Variants in GLRX observed in about 807,000 individuals in gnomAD.
GLRX encodes glutaredoxin, also known as glutaredoxin-1.
In GLRX, 9 loss-of-function variants were observed where a neutral mutation model predicts 11.1. The observed-to-expected ratio is 0.81, with a 90% confidence interval of 0.49 to 1.42. The LOEUF (loss-of-function observed/expected upper bound fraction) is 1.42. GLRX is among the 40% of genes most tolerant of loss of function. GLRX has a pLI of 0.00. For missense variants in GLRX, 102 were observed against 126.2 expected (o/e 0.81, Z 0.92); for synonymous variants, 49 against 49.5 (o/e 0.99, Z 0.04).
chr5:95,815,321 C>T (rs1161680208), intron 2 of GLRX, among the ~76,000 whole-genome samples: 2 of 152,148 alleles, frequency 1.3e-5, no homozygotes. Flanking sequence ...TGAACTCAGA[C>T]AGACATAGGG....
intron 1 of GLRX, among the ~76,000 whole-genome samples, chr5:95,821,964 C>T (rs1409572920): frequency 6.6e-6 from 1 of 152,060 alleles, no homozygotes; most frequent in African/African-American, 2.4e-5. Flanking sequence ...GATAACGGTA[C>T]ATTAGATTTT....
rs762275582 is a variant in GLRX, at chr5:95,816,502, C to T, written c.*6+5G>A. 11 of 1,407,282 alleles carry T rather than the reference C, an allele frequency of 7.8e-6. No homozygotes were observed. The highest frequency in any genetic ancestry group is 2.3e-5 in the East Asian group (1 of 44,000). 87.2% of individuals were successfully genotyped at this position (1,407,282 alleles called of 1,614,324 possible). ...TCCTGGCCCAGCACCTCACCTGCCA[C>T]TCACCTGTGGTTACTGCAGAGCTCC... On this transcript the variant is annotated splice_donor_5th_base_variant and intron_variant, in intron 2 of 2. Coordinates refer to ENST00000237858, the MANE Select transcript of GLRX (RefSeq NM_001118890.2).
intron 1 of GLRX, among the ~76,000 whole-genome samples, chr5:95,819,880 A>C (rs1580447758): frequency 8.4e-6 from 1 of 118,688 alleles, no homozygotes; most frequent in African/African-American, 3.4e-5. Flanking sequence ...GCCTGGGCAC[A>C]GAGGGAGACT....
chr5:95,815,547 A>G (rs1469644080), intron 2 of GLRX, among the ~76,000 whole-genome samples: 1 of 152,196 alleles, frequency 6.6e-6, no homozygotes, highest in Non-Finnish European at 1.5e-5. Context: ...TGGTTAAAGA[A>G]CCATTCATTT....
rs1746954088 is a variant in GLRX, at chr5:95,815,387, T to G, written c.*7-998A>C. ...TGATTAGAAGATTTATAGCATTGAC[T>G]ATTTCATTTCAGAGAAATCAGTGGT... is the stretch of plus-strand genomic sequence containing the variant. On this transcript the variant is annotated intron_variant, in intron 2 of 2. Transcript: ENST00000237858. 2.0e-5 allele frequency among the ~76,000 whole-genome samples: 3 copies of G among 152,250 alleles called. No individual in the cohort carries two copies. The South Asian group carries it at 6.2e-4, about 31-fold the overall frequency.
rs1357505093 is a variant in GLRX, at chr5:95,822,510, G to A, written c.153C>T (p.Thr51=). The A allele has an allele frequency of 1.9e-6, 3 of 1,613,928 alleles. No homozygotes were observed. Among genetic ancestry groups the A allele is most frequent in the East Asian group, 2.2e-5 (1 of 44,888 alleles). Residue 51 remains threonine, a synonymous_variant, in exon 1 of 3, where the codon ACC becomes ACT. Coordinates refer to ENST00000237858, the MANE Select transcript of GLRX (RefSeq NM_001118890.2). The part of the protein sequence containing the change: ...GLLEFVDITA[T]NHTNEIQDYL... ...AATCTTGAATCTCGTTAGTGTGGTT[G>A]GTGGCTGTGATATCGACAAATTCCA...
At chr5:95,816,368 G>A (rs941298964) in intron 2 of GLRX, 139 bp downstream of exon 2, 1 of 585,194 alleles carries the variant, frequency 1.7e-6, no homozygotes, top group Non-Finnish European at 3.1e-6. Flanking sequence ...ATTCATAAGT[G>A]ATTGACATCA....
intron 1 of GLRX, chr5:95,822,178 G>A (rs993081343): frequency 2.7e-5 from 14 of 511,406 alleles, no homozygotes; most frequent in Admixed American, 1.3e-4. Flanking sequence ...AATTCCCCAG[G>A]GACTCACCGG....
At chr5:95,819,908 A>AC (rs1272943361) in intron 1 of GLRX, among the ~76,000 whole-genome samples, 9 of 150,856 alleles carry the variant, frequency 6.0e-5, no homozygotes, top group African/African-American at 2.0e-4. Context: ...AAAAAAAAAA[A>AC]AAAAAAAAAA....
intron 1 of GLRX, chr5:95,819,108 C>T (rs1210486391): frequency 1.3e-5 from 2 of 152,192 alleles, no homozygotes; most frequent in East Asian, 3.8e-4. Context: ...TGCCACTTAC[C>T]AACTCCCAAC....
chr5:95,820,534 C>A (rs1453333552), intron 1 of GLRX, among the ~76,000 whole-genome samples: 1 of 150,874 alleles, frequency 6.6e-6, no homozygotes, highest in Non-Finnish European at 1.5e-5. Flanking sequence ...CATGGTGAAA[C>A]CCCATCTCTA....
At chr5:95,820,892 G>A (rs1167115132) in intron 1 of GLRX, among the ~76,000 whole-genome samples, 3 of 152,086 alleles carry the variant, frequency 2.0e-5, no homozygotes, top group Non-Finnish European at 4.4e-5. Flanking sequence ...GAGGTAGGTG[G>A]ATCGCCTGAG....
At chr5:95,819,229 A>G (rs920966507) in intron 1 of GLRX, 2 of 152,212 alleles carry the variant, frequency 1.3e-5, no homozygotes, top group African/African-American at 4.8e-5. Flanking sequence ...CCCAATGTAC[A>G]TAAAAGTGTC....
At chr5:95,817,963 G>C (rs1747070191) in intron 1 of GLRX, 1 of 152,216 alleles carries the variant, frequency 6.6e-6, no homozygotes, top group South Asian at 2.1e-4. Flanking sequence ...TTATTAAAAA[G>C]GGGGTCTGGG....
At chr5:95,822,358 G>T in intron 1 of GLRX, 98 bp downstream of exon 1, 2 of 908,282 alleles carry the variant, frequency 2.2e-6, no homozygotes, top group Non-Finnish European at 1.8e-6. Context: ...TGGACGCCTT[G>T]AAGTACGGAG....
In GLRX at chr5:95,814,026, G is replaced by A. The variant is rs748330427; in HGVS notation, c.*370C>T. On this transcript the variant is annotated 3_prime_UTR_variant, in exon 3 of 3. Coordinates refer to ENST00000237858, the MANE Select transcript of GLRX (RefSeq NM_001118890.2). The stretch of plus-strand genomic sequence containing the variant: ...GAAAAGAAATTAAGTGTTGTCACTA[G>A]AGATTGAAGGAAATTAACAATCTTA... The A allele has an allele frequency of 2.6e-5, 4 of 152,202 alleles. No individual in the cohort carries two copies. The highest frequency in any genetic ancestry group is 5.9e-5 in the Non-Finnish European group (4 of 68,050). 9.4% of individuals were successfully genotyped at this position (152,202 alleles called of 1,614,324 possible).
chr5:95,814,814 T>C (rs1403588856), intron 2 of GLRX: 2 of 153,362 alleles, frequency 1.3e-5, no homozygotes, highest in African/African-American at 2.4e-5. Flanking sequence ...GGCCCTGTGA[T>C]TAAGAGCAAG....
intron 2 of GLRX, among the ~76,000 whole-genome samples, chr5:95,815,404 A>G (rs1051410523): frequency 6.6e-6 from 1 of 152,234 alleles, no homozygotes; most frequent in African/African-American, 2.4e-5. Flanking sequence ...TTTCAGAGAA[A>G]TCAGTGGTAT....
At chr5:95,815,541 T>TA (rs1746959727) in intron 2 of GLRX, among the ~76,000 whole-genome samples, 1 of 152,222 alleles carries the variant, frequency 6.6e-6, no homozygotes, top group African/African-American at 2.4e-5. Flanking sequence ...ACATTTTGGT[T>TA]AAAGAACCAT....
Sources: gnomAD v4.1 joint callset for allele counts (sites outside exome capture counted in the v4.1 genomes callset) on GRCh38, gnomAD v4.1.1 for gene constraint, MANE v1.5 for transcripts, NCBI Gene and HGNC (gene_info 2026-07-23, HGNC 2026-07-21) for gene names.